LRP1B: variants seen among roughly 807,000 people sequenced by gnomAD.
LRP1B encodes the protein LDL receptor related protein 1B.
Under a neutral mutation model 556.6 loss-of-function variants are expected in LRP1B, and 217 were observed. The observed-to-expected ratio is 0.39, with a 90% CI of 0.35 to 0.44. The LOEUF (loss-of-function observed/expected upper bound fraction) is 0.44, where lower values mean the gene tolerates loss of function less well. LRP1B is among the 20% of genes least tolerant of loss of function. The probability of loss-of-function intolerance (pLI) is 1.00; values close to 1 mark genes in which losing one functional copy is unlikely to be tolerated. For synonymous variants in LRP1B, 2,047 were observed against 1,865.8 expected (o/e 1.10, Z -2.50); for missense variants, 5,053 against 5,620.8 (o/e 0.90, Z 3.23).
chr2:140,501,978 CATAAT>C (rs1298506356), intron 54 of LRP1B, 104 bp from the exon 55 acceptor site: 20 of 768,238 alleles, frequency 2.6e-5, no homozygotes, highest in Non-Finnish European at 3.5e-5. Flanking sequence ...TGTCAAAAAT[CATAAT>C]ATAAGTTTAT....
chr2:140,432,772 C>T (rs921008176), intron 66 of LRP1B, among the ~76,000 whole-genome samples: 1 of 152,194 alleles, frequency 6.6e-6, no homozygotes, highest in Non-Finnish European at 1.5e-5. Context: ...TATCTAACAT[C>T]CTGATACACA....
At chr2:141,736,076 C>G (rs6730502) in intron 2 of LRP1B, among the ~76,000 whole-genome samples, 54,778 of 152,022 alleles carry the variant, frequency 0.36, 11,731 homozygotes, top group African/African-American at 0.59. Flanking sequence ...TTCTCACCCA[C>G]TCTCTCTAGG....
intron 11 of LRP1B, among the ~76,000 whole-genome samples, chr2:141,035,856 G>A (rs890544281): frequency 5.9e-5 from 9 of 151,966 alleles, no homozygotes; most frequent in African/African-American, 2.2e-4. Context: ...GCATCACAAG[G>A]GATTCACATA....
chr2:140,415,321 C>T (rs1976774), intron 66 of LRP1B, among the ~76,000 whole-genome samples: 27,531 of 151,332 alleles, frequency 0.18, 2,758 homozygotes, highest in East Asian at 0.34. Flanking sequence ...CTCAGAAGCA[C>T]GTGATCTTTG....
chr2:141,097,818 T>C (rs922275870), intron 7 of LRP1B, among the ~76,000 whole-genome samples: 12 of 152,162 alleles, frequency 7.9e-5, no homozygotes, highest in East Asian at 1.9e-4. Flanking sequence ...TTCTAATTCA[T>C]AAATGAAAAA....
At chr2:141,525,040 GTT>G (rs1684650539) in intron 2 of LRP1B, among the ~76,000 whole-genome samples, 1 of 151,644 alleles carries the variant, frequency 6.6e-6, no homozygotes, top group South Asian at 2.1e-4. Context: ...ATCGACTCTT[GTT>G]TTTTTGTTTT....
chr2:142,030,138 A>G (rs370413362), intron 1 of LRP1B, among the ~76,000 whole-genome samples: 26 of 151,834 alleles, frequency 1.7e-4, no homozygotes, highest in East Asian at 1.4e-3. Context: ...CTACATGTGT[A>G]TATTTCTTAC....
rs115080947 is a variant in LRP1B at position 140,250,497 on chromosome 2, G to A, written c.13248-3335C>T. Among the ~76,000 whole-genome samples the A allele has an allele frequency of 5.5e-3, 832 of 151,016 alleles. 6 individuals are homozygous for A. Among genetic ancestry groups the A allele is most frequent in the Non-Finnish European group, 7.9e-3 (534 of 67,614 alleles). On this transcript the variant is annotated intron_variant, in intron 86 of 90. Transcript: ENST00000389484. ...GCTGTCAATAGCTGCATGGTAAAGG[G>A]TATTGATTTAACATTCTTTGACTTC... is the stretch of plus-strand genomic sequence containing the variant.
chr2:141,025,511 G>A (rs1236928394), intron 11 of LRP1B, among the ~76,000 whole-genome samples: 2 of 152,060 alleles, frequency 1.3e-5, no homozygotes, highest in Non-Finnish European at 2.9e-5. Flanking sequence ...TAATAAGCAG[G>A]TTACTCTCTA....
rs540758348 is a variant in LRP1B, at chr2:140,282,147, C to A, written c.12968-7549G>T. ...ACTGAGGCAGTTACATTAAATCATGCCCAAGATTATGTCATGATTCCTTCC... is the reference window on the plus strand; with the variant it reads ...ACTGAGGCAGTTACATTAAATCATGACCAAGATTATGTCATGATTCCTTCC... On this transcript the variant is annotated intron_variant, in intron 84 of 90. Coordinates refer to ENST00000389484, the MANE Select transcript of LRP1B (RefSeq NM_018557.3). Among the ~76,000 whole-genome samples, 9 of 151,878 alleles carry A rather than the reference C, an allele frequency of 5.9e-5. 1 individual carries two copies. Among genetic ancestry groups the A allele is most frequent in the African/African-American group, 2.2e-4 (9 of 41,488 alleles).
chr2:142,034,476 G>T (rs1184081458), intron 1 of LRP1B, among the ~76,000 whole-genome samples: 1 of 151,398 alleles, frequency 6.6e-6, no homozygotes, highest in Non-Finnish European at 1.5e-5. Flanking sequence ...TTACTAAACT[G>T]ATAACATCCA....
At position 140,850,265 on chromosome 2, in the gene LRP1B, T is replaced by A. The variant is rs369866331; in HGVS notation, c.4776A>T (p.Pro1592=). The A allele has an allele frequency of 1.2e-6, 2 of 1,613,832 alleles. No homozygotes were observed. The highest frequency in any genetic ancestry group is 8.5e-7 in the Non-Finnish European group (1 of 1,179,816). The change falls in exon 29 of 91, where the codon CCA becomes CCT. Residue 1592 remains proline (P), a synonymous_variant. Transcript: ENST00000389484. The part of the protein sequence containing the change: ...SEIRGVDIDN[P]YFNFITAFTV... ...TAAATGCCGTGATGAAGTTAAAGTATGGATTGTCAATATCCACTCCTCTGA... is the reference window on the plus strand; with the variant it reads ...TAAATGCCGTGATGAAGTTAAAGTAAGGATTGTCAATATCCACTCCTCTGA...
intron 23 of LRP1B, among the ~76,000 whole-genome samples, chr2:140,891,045 C>T (rs1693782851): frequency 6.6e-6 from 1 of 152,086 alleles, no homozygotes; most frequent in African/African-American, 2.4e-5. Flanking sequence ...AATTTAACAG[C>T]TCAAATCAGC....
chr2:140,469,122 G>T (rs1456477289), intron 60 of LRP1B, among the ~76,000 whole-genome samples: 1 of 152,166 alleles, frequency 6.6e-6, no homozygotes, highest in Non-Finnish European at 1.5e-5. Context: ...CCCAGGGATA[G>T]AATGCTATGG....
chr2:141,318,852 C>G (rs1387978477), intron 3 of LRP1B, among the ~76,000 whole-genome samples: 2 of 152,044 alleles, frequency 1.3e-5, no homozygotes, highest in African/African-American at 4.8e-5. Flanking sequence ...ACTTTATCAA[C>G]TATACTAAAA....
At chr2:140,976,061 G>T (rs970679817) in intron 18 of LRP1B, among the ~76,000 whole-genome samples, 1 of 151,956 alleles carries the variant, frequency 6.6e-6, no homozygotes, top group East Asian at 1.9e-4. Context: ...GGGACTACAG[G>T]TACCCATCAC....
At chr2:141,471,403 A>G (rs1455875100) in intron 3 of LRP1B, among the ~76,000 whole-genome samples, 4 of 151,732 alleles carry the variant, frequency 2.6e-5, no homozygotes, top group Non-Finnish European at 4.4e-5. Context: ...TTTCAGGTTC[A>G]AACTCCTCTC....
intron 6 of LRP1B, among the ~76,000 whole-genome samples, chr2:141,206,074 G>A (rs183184109): frequency 3.3e-5 from 5 of 152,066 alleles, no homozygotes; most frequent in African/African-American, 1.2e-4. Flanking sequence ...ATATGAAATT[G>A]TCAAAACCAT....
chr2:141,281,649 T>C (rs1685512799), intron 3 of LRP1B, among the ~76,000 whole-genome samples: 2 of 152,052 alleles, frequency 1.3e-5, no homozygotes, highest in Admixed American at 1.3e-4. Flanking sequence ...TAGAACCCAG[T>C]CAGTAAATTT....
Sources: gnomAD v4.1 joint callset for allele counts (sites outside exome capture counted in the v4.1 genomes callset) on GRCh38, gnomAD v4.1.1 for gene constraint, MANE v1.5 for transcripts, NCBI Gene and HGNC (gene_info 2026-07-23, HGNC 2026-07-21) for gene names.